The following MGAT4C variants were observed in gnomAD, a reference collection of about 807,000 sequenced individuals.
MGAT4C encodes alpha-1,3-mannosyl-glycoprotein 4-beta-N-acetylglucosaminyltransferase C.
A neutral mutation model predicts 40.1 loss-of-function variants in MGAT4C; 19 were observed. The ratio of observed to expected loss-of-function variants is 0.47; its 90% CI spans 0.33 to 0.70. The LOEUF (loss-of-function observed/expected upper bound fraction) is 0.70. MGAT4C is among the 30% of genes least tolerant of loss of function. The probability of loss-of-function intolerance (pLI) is 0.02; values close to 1 mark genes in which losing one functional copy is unlikely to be tolerated. For synonymous variants in MGAT4C, 181 were observed against 187.1 expected (o/e 0.97, Z 0.27); for missense variants, 491 against 563.2 (o/e 0.87, Z 1.30).
chr12:86,771,109 G>A (rs944055306), intron 1 of MGAT4C, among the ~76,000 whole-genome samples: 1 of 152,092 alleles, frequency 6.6e-6, no homozygotes, highest in Non-Finnish European at 1.5e-5. Flanking sequence ...TGAAGACATG[G>A]AGATAAGACA....
rs76058754 is a variant in MGAT4C at position 86,208,485 on chromosome 12, G to A, written c.-57+47754C>T. Among the ~76,000 whole-genome samples, 187 of 152,086 alleles carry A rather than the reference G, an allele frequency of 1.2e-3. 1 individual carries two copies. Among genetic ancestry groups the A allele is most frequent in the African/African-American group, 4.2e-3 (176 of 41,516 alleles). On this transcript the variant is annotated intron_variant, in intron 1 of 4. Coordinates refer to ENST00000611864, the MANE Select transcript of MGAT4C (RefSeq NM_001351288.2). The stretch of plus-strand genomic sequence containing the variant: ...GTCTCAACAACAACAACAACAAAAC[G>A]TGTAAATCCTTTCTTTGTCCCTTTA...
chr12:86,213,213 G>A (rs1301226498), intron 1 of MGAT4C, among the ~76,000 whole-genome samples: 4 of 150,370 alleles, frequency 2.7e-5, no homozygotes. Context: ...TGGCATCAGT[G>A]ATCTAAATTG....
chr12:86,168,963 C>T (rs773992981), intron 1 of MGAT4C, among the ~76,000 whole-genome samples: 12 of 151,980 alleles, frequency 7.9e-5, no homozygotes, highest in South Asian at 2.1e-4. Flanking sequence ...TTGTTTGTAT[C>T]GCTTTGTGTA....
intron 2 of MGAT4C, among the ~76,000 whole-genome samples, chr12:86,608,748 T>C (rs2136471177): frequency 6.6e-6 from 1 of 152,186 alleles, no homozygotes; most frequent in South Asian, 2.1e-4. Flanking sequence ...TCTCCTACTA[T>C]AAATGTATTT....
chr12:86,000,909 T>G (rs1444834911), intron 2 of MGAT4C, among the ~76,000 whole-genome samples: 1 of 152,216 alleles, frequency 6.6e-6, no homozygotes, highest in Non-Finnish European at 1.5e-5. Context: ...ATCCTTCTTG[T>G]AAGCTGTGGT....
chr12:86,462,275 A>C (rs1331154808), intron 2 of MGAT4C, among the ~76,000 whole-genome samples: 1 of 152,242 alleles, frequency 6.6e-6, no homozygotes, highest in Non-Finnish European at 1.5e-5. Context: ...AGTTTTTCAA[A>C]GTTAAAGAAT....
chr12:86,137,663 T>A (rs528488008), intron 1 of MGAT4C, among the ~76,000 whole-genome samples: 1 of 152,350 alleles, frequency 6.6e-6, no homozygotes, highest in South Asian at 2.1e-4. Context: ...GATGCCATAT[T>A]TTGCAGACAT....
intron 2 of MGAT4C, among the ~76,000 whole-genome samples, chr12:86,044,376 T>C (rs1484417374): frequency 2.0e-5 from 3 of 152,156 alleles, no homozygotes; most frequent in Non-Finnish European, 2.9e-5. Context: ...AGTGGCAGCA[T>C]GGTGGGTTAC....
intron 1 of MGAT4C, among the ~76,000 whole-genome samples, chr12:86,221,191 C>A (rs1019634742): frequency 5.9e-5 from 9 of 152,030 alleles, no homozygotes; most frequent in African/African-American, 2.2e-4. Flanking sequence ...AAATTTAATT[C>A]TGTTTACTCG....
intron 4 of MGAT4C, among the ~76,000 whole-genome samples, chr12:86,327,782 T>C (rs1387061561): frequency 7.9e-5 from 12 of 152,290 alleles, no homozygotes; most frequent in Non-Finnish European, 1.6e-4. Flanking sequence ...CTTTGTTTTC[T>C]CCACTCTACT....
chr12:86,317,236 A>T (rs79946574), intron 4 of MGAT4C, among the ~76,000 whole-genome samples: 6 of 152,290 alleles, frequency 3.9e-5, no homozygotes, highest in African/African-American at 1.4e-4. Context: ...GAGCAAAAAC[A>T]TTACTACAGA....
intron 2 of MGAT4C, among the ~76,000 whole-genome samples, chr12:86,641,018 T>G (rs1223673425): frequency 6.6e-6 from 1 of 151,982 alleles, no homozygotes; most frequent in Non-Finnish European, 1.5e-5. Flanking sequence ...GAGCTTTACT[T>G]CCAAGTATGT....
chr12:86,053,834 C>T (rs182546188), intron 1 of MGAT4C, among the ~76,000 whole-genome samples: 1 of 151,758 alleles, frequency 6.6e-6, no homozygotes, highest in African/African-American at 2.4e-5. Flanking sequence ...CAGGTATATA[C>T]ATAAAAAATG....
chr12:86,418,588 C>CTAAA (rs1956763961), intron 3 of MGAT4C, among the ~76,000 whole-genome samples: 1 of 125,126 alleles, frequency 8.0e-6, no homozygotes, highest in Admixed American at 9.0e-5. Context: ...AAGACTCCAT[C>CTAAA]TCAATAAATA....
At chr12:86,416,787 T>C (rs922500513) in intron 3 of MGAT4C, among the ~76,000 whole-genome samples, 4 of 152,138 alleles carry the variant, frequency 2.6e-5, no homozygotes, top group African/African-American at 9.6e-5. Flanking sequence ...TCAGAAGATA[T>C]GTTGACATCT....
chr12:86,590,137 T>C (rs968872895), intron 2 of MGAT4C, among the ~76,000 whole-genome samples: 1 of 151,702 alleles, frequency 6.6e-6, no homozygotes, highest in African/African-American at 2.4e-5. Context: ...AAAAACAGAA[T>C]ACATGCATTT....
intron 2 of MGAT4C, among the ~76,000 whole-genome samples, chr12:86,562,880 T>C (rs1959935736): frequency 2.0e-5 from 3 of 152,180 alleles, no homozygotes; most frequent in Non-Finnish European, 2.9e-5. Flanking sequence ...GCATTTAATG[T>C]TCCAGCTAGG....
At chr12:86,438,058 G>A (rs536908673) in intron 2 of MGAT4C, among the ~76,000 whole-genome samples, 103 of 152,064 alleles carry the variant, frequency 6.8e-4, no homozygotes, top group African/African-American at 2.5e-3. Context: ...AGGAAGGCAT[G>A]TCAAAAGCCA....
intron 2 of MGAT4C, among the ~76,000 whole-genome samples, chr12:86,436,491 T>A (rs1957140202): frequency 6.6e-6 from 1 of 151,704 alleles, no homozygotes; most frequent in Admixed American, 6.6e-5. Flanking sequence ...TTATCCCTTA[T>A]TATTATGTAA....
Sources: allele counts gnomAD v4.1 joint callset (sites outside exome capture counted in the v4.1 genomes callset), GRCh38; gene constraint gnomAD v4.1.1; transcripts MANE v1.5; gene names NCBI Gene and HGNC (gene_info 2026-07-23, HGNC 2026-07-21).